CACNA1G: variants seen among roughly 807,000 people sequenced by gnomAD.
The protein encoded by CACNA1G is voltage-dependent T-type calcium channel subunit alpha-1G.
A neutral mutation model predicts 219.4 loss-of-function variants in CACNA1G; 67 were observed. The observed-to-expected ratio is 0.31, with a 90% CI of 0.25 to 0.37. The LOEUF (loss-of-function observed/expected upper bound fraction) is 0.37. Among genes scored for constraint, CACNA1G ranks in the 10% least tolerant of loss-of-function variants. CACNA1G has a pLI of 1.00. For missense variants in CACNA1G, 2,380 were observed against 3,231.4 expected (o/e 0.74, Z 6.39); for synonymous variants, 1,296 against 1,345.3 (o/e 0.96, Z 0.80).
intron 37 of CACNA1G, among the ~76,000 whole-genome samples, chr17:50,625,790 G>A (rs186626724): frequency 6.6e-6 from 1 of 152,288 alleles, no homozygotes; most frequent in East Asian, 1.9e-4. Context: ...ACCAGAGCAT[G>A]GGGGAGGGAA....
rs1289915776 is a variant in CACNA1G at position 50,619,000 on chromosome 17, C to G, written c.5773C>G (p.His1925Asp). The G allele has an allele frequency of 6.6e-7, 1 of 1,525,856 alleles. No homozygotes were observed. Among genetic ancestry groups the G allele is most frequent in the Non-Finnish European group, 8.8e-7 (1 of 1,138,476 alleles). The allele number at this position is 1,525,856 out of a possible 1,614,324, so 94.5% of individuals were successfully genotyped here. A position where few individuals can be genotyped will look rare whatever the true frequency, so the allele number is the denominator to read the frequency against. The change falls in exon 33 of 38, where the codon CAC (histidine) becomes GAC (aspartate). Residue 1925 changes from histidine to aspartate, a missense_variant. This residue lies in a region of CACNA1G where 672 missense variants were observed against 670.5 expected (regional missense o/e 1.00). Coordinates refer to ENST00000359106, the MANE Select transcript of CACNA1G (RefSeq NM_018896.5). This position sits in a 1 kb window ranked among gnomAD's most constrained non-coding sequence, Gnocchi z 5.3. ...ATCAGCCTCCCACTTTTCCCTGGAGCACCCCACGGTGAGCAGACACCCACC... is the reference window on the plus strand; with the variant it reads ...ATCAGCCTCCCACTTTTCCCTGGAGGACCCCACGGTGAGCAGACACCCACC... ...ARSASHFSLE[H>D]PTDRQLFDTI...
intron 26 of CACNA1G, among the ~76,000 whole-genome samples, chr17:50,611,083 G>A (rs969904699): frequency 9.9e-5 from 15 of 151,818 alleles, no homozygotes; most frequent in African/African-American, 3.4e-4. Flanking sequence ...GTGAAACCCC[G>A]TCTCTACTAA....
chr17:50,613,513 G>A (rs2049723619), intron 26 of CACNA1G, among the ~76,000 whole-genome samples: 1 of 152,166 alleles, frequency 6.6e-6, no homozygotes, highest in African/African-American at 2.4e-5. Context: ...GGTGGGAGCA[G>A]CTGCTCCGTT....
chr17:50,617,361 T>A lies in CACNA1G; in HGVS notation c.5022-77T>A. The A allele has an allele frequency of 2.7e-6, 4 of 1,498,278 alleles. No individual in the cohort carries two copies. The East Asian group carries it at 9.2e-5, about 35-fold the overall frequency. 92.8% of individuals were successfully genotyped at this position (1,498,278 alleles called of 1,614,324 possible). A position where few individuals can be genotyped will look rare whatever the true frequency, so the allele number is the denominator to read the frequency against. On this transcript the variant is annotated intron_variant, in intron 28 of 37. Transcript: ENST00000359106. This position sits in a 1 kb window ranked among gnomAD's most constrained non-coding sequence, Gnocchi z 5.8. ...ATGTCTGCCCTCCTTTCAAGCCCTG[T>A]CTTTCTGTGCCACGACTGCCCCCTC...
rs2039397921 is a variant in CACNA1G, at chr17:50,571,333, G to A, written c.587-545G>A. Among the ~76,000 whole-genome samples, 1 of 152,192 alleles carries A rather than the reference G, an allele frequency of 6.6e-6. No homozygotes were observed. Among genetic ancestry groups the A allele is most frequent in the African/African-American group, 2.4e-5 (1 of 41,442 alleles). On this transcript the variant is annotated intron_variant, in intron 4 of 37. Transcript: ENST00000359106. The surrounding 1 kb of genome is among the most constrained non-coding windows in gnomAD (Gnocchi z 4.3). ...GCTGTCATTCCTCCTGGAGTTCGCT[G>A]CCTCAGTTTCCCTAATGACTCTGGT...
chr17:50,567,719 C>T (rs1274175275), intron 1 of CACNA1G, among the ~76,000 whole-genome samples: 1 of 152,180 alleles, frequency 6.6e-6, no homozygotes, highest in African/African-American at 2.4e-5. Flanking sequence ...CCACCCTTCT[C>T]ATATTTTCCT....
At chr17:50,565,337 T>G (rs1452338983) in intron 1 of CACNA1G, among the ~76,000 whole-genome samples, 1 of 131,340 alleles carries the variant, frequency 7.6e-6, no homozygotes, top group African/African-American at 2.8e-5. Flanking sequence ...ACCCACGCAC[T>G]GAAGCGTGGT....
At chr17:50,569,405 A>G in intron 3 of CACNA1G, 107 bp downstream of exon 3, 2 of 1,203,874 alleles carry the variant, frequency 1.7e-6, no homozygotes, top group Admixed American at 1.8e-5. Flanking sequence ...TTACAGCACC[A>G]CTTTCTCCCT....
intron 1 of CACNA1G, among the ~76,000 whole-genome samples, chr17:50,562,761 C>T (rs749121465): frequency 1.1e-4 from 16 of 152,258 alleles, no homozygotes; most frequent in East Asian, 1.9e-4. Flanking sequence ...GCGTAGACTC[C>T]GCAGATAGGT....
At chr17:50,562,368 G>C (rs2036080131) in intron 1 of CACNA1G, among the ~76,000 whole-genome samples, 1 of 152,168 alleles carries the variant, frequency 6.6e-6, no homozygotes, top group Non-Finnish European at 1.5e-5. Flanking sequence ...GGAGATTCCG[G>C]CGGCGGCTGA....
In CACNA1G at chr17:50,561,342, C is replaced by T. The variant is rs777184186; in HGVS notation, c.-118C>T. 30 of 1,312,058 alleles carry T rather than the reference C, an allele frequency of 2.3e-5. No homozygotes were observed. In the Middle Eastern group the frequency reaches 3.1e-3, roughly 136 times the overall value. 81.3% of individuals were successfully genotyped at this position (1,312,058 alleles called of 1,614,324 possible). A position where few individuals can be genotyped will look rare whatever the true frequency, so the allele number is the denominator to read the frequency against. Reference sequence around the variant, plus strand: ...CTGGCCCTCCCGGGGGCTCAGCTTGCGCCCTAGAGCCCACCAGATGTGCCC... The same window carrying T: ...CTGGCCCTCCCGGGGGCTCAGCTTGTGCCCTAGAGCCCACCAGATGTGCCC... On this transcript the variant is annotated 5_prime_UTR_variant, in exon 1 of 38. Transcript: ENST00000359106.
chr17:50,608,071 G>C (rs184743961), intron 25 of CACNA1G, 52 bp downstream of exon 25: 1 of 1,527,022 alleles, frequency 6.5e-7, no homozygotes. Flanking sequence ...TCTCTGGGTC[G>C]TGCTTGACCT....
chr17:50,599,320 C>A, intron 16 of CACNA1G, 108 bp from the exon 17 acceptor site: 1 of 1,025,794 alleles, frequency 9.7e-7, no homozygotes, highest in Non-Finnish European at 1.4e-6. Context: ...CTGCTCACAT[C>A]CCTACACTTG....
At position 50,560,865 on chromosome 17, in the gene CACNA1G, C is replaced by T. The variant is rs952635802; in HGVS notation, c.-595C>T. 6.6e-6 allele frequency among the ~76,000 whole-genome samples: 1 copy of T among 152,002 alleles called. No homozygotes were observed. Among genetic ancestry groups the T allele is most frequent in the Non-Finnish European group, 1.5e-5 (1 of 67,932 alleles). ...CCGCCTCCACTCCCGCCCGGGACTGCCCCCCACTGTCTCCCCGCCCCTCCC... is the reference window on the plus strand; with the variant it reads ...CCGCCTCCACTCCCGCCCGGGACTGTCCCCCACTGTCTCCCCGCCCCTCCC... On this transcript the variant is annotated 5_prime_UTR_variant, in exon 1 of 38. Coordinates refer to ENST00000359106, the MANE Select transcript of CACNA1G (RefSeq NM_018896.5).
chr17:50,592,893 G>A (rs981901560), intron 13 of CACNA1G, among the ~76,000 whole-genome samples: 7 of 152,090 alleles, frequency 4.6e-5, no homozygotes, highest in Admixed American at 3.9e-4. Context: ...CTCCCGCTGC[G>A]GCCTGGTCTA....
intron 26 of CACNA1G, among the ~76,000 whole-genome samples, chr17:50,613,553 G>A (rs1160770436): frequency 1.3e-5 from 2 of 152,214 alleles, no homozygotes; most frequent in African/African-American, 4.8e-5. Flanking sequence ...GAGTCAGGCT[G>A]GGGTGACGGG....
Position 50,580,916 on chromosome 17 carries a change from G to A in CACNA1G, c.2301+2352G>A, listed in dbSNP as rs183256554. Among the ~76,000 whole-genome samples, 5 of 152,268 alleles carry A rather than the reference G, an allele frequency of 3.3e-5. No individual in the cohort carries two copies. The East Asian group carries it at 9.7e-4, about 29-fold the overall frequency. On this transcript the variant is annotated intron_variant, in intron 9 of 37. Transcript: ENST00000359106. Reference sequence around the variant, plus strand: ...AACGTCCCGCCATCTGGGCCCTGGAGCCTGAGCAGGCTGGGAGTGGGGGGT... The same window carrying A: ...AACGTCCCGCCATCTGGGCCCTGGAACCTGAGCAGGCTGGGAGTGGGGGGT...
At chr17:50,612,423 G>C (rs1228161600) in intron 26 of CACNA1G, among the ~76,000 whole-genome samples, 1 of 152,212 alleles carries the variant, frequency 6.6e-6, no homozygotes, top group Non-Finnish European at 1.5e-5. Context: ...TGGGTCATCA[G>C]GCTGCCCCAC....
intron 26 of CACNA1G, among the ~76,000 whole-genome samples, chr17:50,611,976 C>A (rs1259269170): frequency 6.6e-6 from 1 of 152,242 alleles, no homozygotes; most frequent in Non-Finnish European, 1.5e-5. Context: ...GTTACCTTCC[C>A]TGGCTGTTGG....
Sources: gnomAD v4.1 joint callset for allele counts (sites outside exome capture counted in the v4.1 genomes callset) on GRCh38, gnomAD v4.1.1 for gene constraint, gnomAD v4.1.1 regional missense constraint, Gnocchi (gnomAD v3.1) non-coding constraint, MANE v1.5 for transcripts, NCBI Gene and HGNC (gene_info 2026-07-23, HGNC 2026-07-21) for gene names.